Variants in POLD3 observed in about 807,000 individuals in gnomAD.
POLD3 encodes DNA polymerase delta 3, accessory subunit.
A neutral mutation model predicts 58.2 loss-of-function variants in POLD3; 19 were observed. That is an observed-to-expected ratio of 0.33 (90% CI 0.23 to 0.48). The LOEUF (loss-of-function observed/expected upper bound fraction) is 0.48. Among genes scored for constraint, POLD3 ranks in the 20% least tolerant of loss-of-function variants. The probability of loss-of-function intolerance (pLI) is 0.99; values close to 1 mark genes in which losing one functional copy is unlikely to be tolerated. For synonymous variants in POLD3, 172 were observed against 193.5 expected, an observed-to-expected ratio of 0.89 and a Z score of 0.92; for missense variants, 504 against 545.5, an observed-to-expected ratio of 0.92 and a Z score of 0.76.
Position 74,592,597 on chromosome 11 carries a change from C to G in POLD3, c.-62C>G, listed in dbSNP as rs994646658. 4.4e-6 allele frequency: 7 copies of G among 1,599,676 alleles called. No homozygotes were observed. The highest frequency in any genetic ancestry group is 6.0e-6 in the Non-Finnish European group (7 of 1,170,600). ...GGGAGGGAGCAAAGACGTTTCCCGC[C>G]GGCGGGAGCTGTGGCTGTGATTGAG... On this transcript the variant is annotated 5_prime_UTR_variant, in exon 1 of 12. Transcript: ENST00000263681.
At chr11:74,649,625 C>G (rs1446218058) in intron 4 of POLD3, among the ~76,000 whole-genome samples, 1 of 152,182 alleles carries the variant, frequency 6.6e-6, no homozygotes, top group South Asian at 2.1e-4. Flanking sequence ...TGAAACCCCC[C>G]ACTCTATCTT....
chr11:74,634,934 G>A (rs1019422322), intron 10 of POLD3, among the ~76,000 whole-genome samples: 11 of 152,324 alleles, frequency 7.2e-5, no homozygotes, highest in Admixed American at 2.0e-4. Flanking sequence ...CCTGGGAGCT[G>A]TTCTGTTTTC....
chr11:74,597,715 C>T (rs1284593901), intron 2 of POLD3, among the ~76,000 whole-genome samples: 2 of 152,182 alleles, frequency 1.3e-5, no homozygotes, highest in African/African-American at 4.8e-5. Context: ...CCTGCCTTGT[C>T]CTCCAAAGTG....
intron 11 of POLD3, among the ~76,000 whole-genome samples, chr11:74,639,888 C>T (rs534005559): frequency 2.0e-5 from 3 of 152,260 alleles, no homozygotes; most frequent in South Asian, 2.1e-4. Flanking sequence ...GTGTGTCATC[C>T]GATAGCATTT....
Position 74,618,634 on chromosome 11 carries a change from A to G in POLD3, c.490A>G (p.Ser164Gly), listed in dbSNP as rs751184268. The change falls in exon 6 of 12, where the codon AGT becomes GGT. Residue 164 changes from serine to glycine, a missense_variant. Ser to Gly is a moderately conservative substitution (Grantham distance 56). This residue lies in a region of POLD3 where 385 missense variants were observed against 370.5 expected (regional missense o/e 1.04). Coordinates refer to ENST00000263681, the MANE Select transcript of POLD3 (RefSeq NM_006591.3). ...TGAGCAGTCACATCTTCACATGTCA[A>G]GTGAGACACAAGCCAACAATGAGCT... ...KFEQSHLHMS[S>G]ETQANNELTT... The G allele has an allele frequency of 6.2e-7, 1 of 1,614,138 alleles. No homozygotes were observed. Among genetic ancestry groups the G allele is most frequent in the South Asian group, 1.1e-5 (1 of 91,080 alleles).
At position 74,634,567 on chromosome 11, in the gene POLD3, C is replaced by T. The variant is rs768846448; in HGVS notation, c.1007-16C>T. ...TGCTTGTAGTTCTCTGATCTAAGTC[C>T]GTTTCATTATTTCAGTCTTTCCAGA... is the stretch of plus-strand genomic sequence containing the variant. On this transcript the variant is annotated splice_polypyrimidine_tract_variant and intron_variant, in intron 9 of 11. Transcript: ENST00000263681. 1.6e-5 allele frequency: 22 copies of T among 1,345,984 alleles called. No individual in the cohort carries two copies. The highest frequency in any genetic ancestry group is 1.8e-4 in the Middle Eastern group (1 of 5,560). The allele number at this position is 1,345,984 out of a possible 1,614,324, so 83.4% of individuals were successfully genotyped here.
At chr11:74,668,303 CA>C (rs918377265) in intron 4 of POLD3, among the ~76,000 whole-genome samples, 6 of 151,490 alleles carry the variant, frequency 4.0e-5, no homozygotes, top group African/African-American at 1.5e-4. Context: ...TTCTGATAGC[CA>C]AAAAAATGGA....
At chr11:74,599,952 TA>T (rs2031426478) in intron 2 of POLD3, among the ~76,000 whole-genome samples, 1 of 138,850 alleles carries the variant, frequency 7.2e-6, no homozygotes, top group African/African-American at 2.8e-5. Flanking sequence ...TTGTTATTAT[TA>T]TTATTTTTTT....
Position 74,592,691 on chromosome 11 carries a change from C to A in POLD3, c.33C>A (p.Asp11Glu). 1 of 1,614,004 alleles carries A rather than the reference C, an allele frequency of 6.2e-7. No homozygotes were observed. Among genetic ancestry groups the A allele is most frequent in the Non-Finnish European group, 8.5e-7 (1 of 1,179,942 alleles). ...ACCAGCTTTATCTGGAAAATATAGACGAGTTCGTCACGGACCAAAACAAGA... is the reference window on the plus strand; with the variant it reads ...ACCAGCTTTATCTGGAAAATATAGAAGAGTTCGTCACGGACCAAAACAAGA... Reference protein sequence around the residue: MADQLYLENIDEFVTDQNKIV... With the variant: MADQLYLENIEEFVTDQNKIV... Residue 11 changes from aspartate (D) to glutamate (E), a missense_variant, in exon 1 of 12, where the codon GAC becomes GAA. Physicochemically the swap from Asp to Glu is conservative, Grantham distance 45 (BLOSUM62 2). Transcript: ENST00000263681.
At chr11:74,619,084 T>G (rs2032170636) in intron 6 of POLD3, among the ~76,000 whole-genome samples, 1 of 152,246 alleles carries the variant, frequency 6.6e-6, no homozygotes, top group South Asian at 2.1e-4. Flanking sequence ...TGAAAACATG[T>G]GAAAACACCT....
intron 2 of POLD3, among the ~76,000 whole-genome samples, chr11:74,597,598 C>T (rs920087133): frequency 6.6e-6 from 1 of 152,190 alleles, no homozygotes; most frequent in Non-Finnish European, 1.5e-5. Context: ...CTAGCTGGAA[C>T]TACAGGCGCA....
chr11:74,640,432 A>G, intron 11 of POLD3, 132 bp from the exon 12 acceptor site: 3 of 1,078,000 alleles, frequency 2.8e-6, no homozygotes, highest in Non-Finnish European at 3.8e-6. Context: ...AGTGGGAGAA[A>G]GATTGAGTCC....
chr11:74,637,593 TTCC>T (rs1374504304), intron 11 of POLD3, among the ~76,000 whole-genome samples: 2 of 152,050 alleles, frequency 1.3e-5, no homozygotes, highest in African/African-American at 2.4e-5. Context: ...TGCCAGTTTT[TTCC>T]TCCTCTTTCT....
intron 2 of POLD3, among the ~76,000 whole-genome samples, chr11:74,603,458 C>T (rs931267651): frequency 7.9e-5 from 12 of 151,994 alleles, no homozygotes; most frequent in Non-Finnish European, 1.6e-4. Flanking sequence ...TGAAATAAAC[C>T]GAGGAAAATA....
chr11:74,643,542 C>T (rs2032962899), downstream of POLD3, among the ~76,000 whole-genome samples: 1 of 152,158 alleles, frequency 6.6e-6, no homozygotes, highest in Admixed American at 6.5e-5. Context: ...TCAAGGCAGT[C>T]TTCCTGGAGC....
At chr11:74,666,562 G>C (rs2033270944) in intron 4 of POLD3, among the ~76,000 whole-genome samples, 1 of 152,142 alleles carries the variant, frequency 6.6e-6, no homozygotes, top group Non-Finnish European at 1.5e-5. Context: ...TGGAGAGAGA[G>C]AGAGAGAGAG....
At chr11:74,594,993 G>C (rs2031177927) in intron 2 of POLD3, among the ~76,000 whole-genome samples, 1 of 152,184 alleles carries the variant, frequency 6.6e-6, no homozygotes, top group African/African-American at 2.4e-5. Flanking sequence ...ACTAGGATTG[G>C]AATTGCTGGG....
rs375954131 is a variant in POLD3, at chr11:74,625,564, A to C, written c.890A>C (p.Glu297Ala). 9.5e-6 allele frequency: 15 copies of C among 1,577,626 alleles called. No individual in the cohort carries two copies. In the African/African-American group the frequency reaches 2.1e-4, roughly 22 times the overall value. ...KAEPVKVLQK[E>A]KKRGKRVALS... Reference sequence around the variant, plus strand: ...GAGCCTGTTAAGGTGCTGCAGAAGGAAAAAAAAAGGTAGGAAAATTTTGTT... The same window carrying C: ...GAGCCTGTTAAGGTGCTGCAGAAGGCAAAAAAAAGGTAGGAAAATTTTGTT... The change falls in exon 8 of 12, where the codon GAA becomes GCA. Residue 297 changes from glutamate (E) to alanine (A), a missense_variant. Coordinates refer to ENST00000263681, the MANE Select transcript of POLD3 (RefSeq NM_006591.3).
intron 3 of POLD3, among the ~76,000 whole-genome samples, chr11:74,610,296 T>G (rs2135135295): frequency 6.6e-6 from 1 of 151,496 alleles, no homozygotes; most frequent in East Asian, 2.0e-4. Flanking sequence ...CTGCAACCTC[T>G]GCCTCCCAGG....
Sources: allele counts gnomAD v4.1 joint callset (sites outside exome capture counted in the v4.1 genomes callset), GRCh38; gene constraint gnomAD v4.1.1; regional missense constraint gnomAD v4.1.1; transcripts MANE v1.5; gene names NCBI Gene and HGNC (gene_info 2026-07-23, HGNC 2026-07-21).